The following THSD7A variants were observed in gnomAD, a reference collection of about 807,000 sequenced individuals.
The protein encoded by THSD7A is thrombospondin type-1 domain-containing protein 7A.
In THSD7A, 96 loss-of-function variants were observed where a neutral mutation model predicts 231.3. That is an observed-to-expected ratio of 0.41 (90% CI 0.35 to 0.49). THSD7A has a LOEUF of 0.49. Among genes scored for constraint, THSD7A ranks in the 20% least tolerant of loss-of-function variants. THSD7A has a pLI of 0.05. For synonymous variants in THSD7A, 940 were observed against 743.3 expected (o/e 1.26, Z -4.30); for missense variants, 2,290 against 2,070.2 (o/e 1.11, Z -2.06).
In THSD7A at chr7:11,585,705, G is replaced by C. The variant is rs1406241550; in HGVS notation, c.1453+4755C>G. Among the ~76,000 whole-genome samples the C allele has an allele frequency of 4.6e-5, 7 of 152,100 alleles. No individual in the cohort carries two copies. The East Asian group carries it at 1.3e-3, about 29-fold the overall frequency. On this transcript the variant is annotated intron_variant, in intron 4 of 27. Transcript: ENST00000423059. ...TGGGTGGCCAGAGCCTATTCCGTCA[G>C]TTTAGGGAGCAAGGTGGGAACTGTG...
At chr7:11,408,175 C>G (rs1009843875) in intron 19 of THSD7A, among the ~76,000 whole-genome samples, 3 of 152,004 alleles carry the variant, frequency 2.0e-5, no homozygotes, top group Admixed American at 2.0e-4. Flanking sequence ...ACTGTATATT[C>G]CAACATTTAA....
rs775493895 is a variant in THSD7A, at chr7:11,636,304, C to T, written c.848G>A (p.Arg283Gln). The T allele has an allele frequency of 1.9e-6, 3 of 1,613,936 alleles. No individual in the cohort carries two copies. The highest frequency in any genetic ancestry group is 1.7e-5 in the Admixed American group (1 of 60,024). The stretch of plus-strand genomic sequence containing the variant: ...TACTCCTTTGCTGCGGTCCTTTTCC[C>T]GTTCTTTATTCTTCCCGCGTCTCCT... ...QARRRGKNKEREKDRSKGVKD... is the reference protein window; with the variant it reads ...QARRRGKNKEQEKDRSKGVKD... Residue 283 changes from arginine (R) to glutamine (Q), a missense_variant, in exon 2 of 28, where the codon CGG (arginine) becomes CAG (glutamine). Transcript: ENST00000423059. The surrounding 1 kb of genome is among the most constrained non-coding windows in gnomAD (Gnocchi z 10.0).
chr7:11,412,632 G>A (rs370770044), intron 18 of THSD7A, 24 bp downstream of exon 18: 121 of 1,612,820 alleles, frequency 7.5e-5, no homozygotes, highest in South Asian at 1.3e-4. Context: ...ACTTAACTCC[G>A]TGATCAGATG....
At chr7:11,730,678 C>T (rs930931517) in intron 1 of THSD7A, among the ~76,000 whole-genome samples, 3 of 151,616 alleles carry the variant, frequency 2.0e-5, no homozygotes, top group Non-Finnish European at 3.0e-5. Context: ...GCAGCCATAA[C>T]TCATGTTCAG....
At chr7:11,706,253 G>T (rs1486389456) in intron 1 of THSD7A, among the ~76,000 whole-genome samples, 4 of 150,774 alleles carry the variant, frequency 2.7e-5, no homozygotes, top group South Asian at 2.1e-4. Context: ...CATGTGTATT[G>T]TCCCATGTCA....
chr7:11,407,134 AC>A (rs1783612541), intron 20 of THSD7A, 79 bp from the exon 21 acceptor site: 1 of 1,551,830 alleles, frequency 6.4e-7, no homozygotes, highest in South Asian at 1.2e-5. Flanking sequence ...AGAAGGCATC[AC>A]AGTGATATCT....
intron 1 of THSD7A, among the ~76,000 whole-genome samples, chr7:11,822,808 C>T (rs1338608337): frequency 6.6e-6 from 1 of 151,816 alleles, no homozygotes; most frequent in South Asian, 2.1e-4. Flanking sequence ...CCAATATATT[C>T]TCATAAACAG....
At chr7:11,672,335 G>C (rs563592123) in intron 1 of THSD7A, among the ~76,000 whole-genome samples, 6 of 149,636 alleles carry the variant, frequency 4.0e-5, no homozygotes, top group Admixed American at 2.7e-4. Flanking sequence ...AGAATAGTTT[G>C]TATAATTGCT....
At chr7:11,705,178 T>G (rs923036960) in intron 1 of THSD7A, among the ~76,000 whole-genome samples, 1 of 151,060 alleles carries the variant, frequency 6.6e-6, no homozygotes, top group East Asian at 2.0e-4. Flanking sequence ...GTTTCAAATA[T>G]CAGGAATTTG....
At chr7:11,401,743 T>C (rs1325764824) in intron 23 of THSD7A, 52 bp downstream of exon 23, 3 of 1,499,776 alleles carry the variant, frequency 2.0e-6, no homozygotes, top group Non-Finnish European at 2.7e-6. Flanking sequence ...ACTATTTTTT[T>C]TTTAATCTTA....
chr7:11,382,488 T>G, intron 24 of THSD7A, 33 bp downstream of exon 24: 1 of 1,543,988 alleles, frequency 6.5e-7, no homozygotes, highest in Non-Finnish European at 8.9e-7. Context: ...TACAGGAAGA[T>G]TTTCAAAGGA....
intron 1 of THSD7A, among the ~76,000 whole-genome samples, chr7:11,786,759 TAA>T (rs58923353): frequency 0.26 from 28,258 of 108,070 alleles, 2,432 homozygotes; most frequent in African/African-American, 0.36. Context: ...AGTATAATAA[TAA>T]AAAAAAAAAA....
Position 11,446,485 on chromosome 7 carries a change from C to G in THSD7A, c.2801-161G>C, listed in dbSNP as rs1157967443. ...CTATTTTCTCATTCCACAGTGTTTT[C>G]TACATAGGCTCCTGTTGGTATTGGG... On this transcript the variant is annotated intron_variant, in intron 12 of 27. Transcript: ENST00000423059. This position sits in a 1 kb window ranked among gnomAD's most constrained non-coding sequence, Gnocchi z 4.0. Among the ~76,000 whole-genome samples, 2 of 152,044 alleles carry G rather than the reference C, an allele frequency of 1.3e-5. No homozygotes were observed. The highest frequency in any genetic ancestry group is 2.9e-5 in the Non-Finnish European group (2 of 67,998).
intron 9 of THSD7A, among the ~76,000 whole-genome samples, chr7:11,462,466 T>C (rs1486448971): frequency 2.6e-5 from 4 of 152,226 alleles, no homozygotes; most frequent in Non-Finnish European, 5.9e-5. Flanking sequence ...ATCTAATTAA[T>C]TTATTTTCCT....
intron 1 of THSD7A, among the ~76,000 whole-genome samples, chr7:11,737,030 C>T (rs942751883): frequency 5.3e-5 from 8 of 152,016 alleles, no homozygotes; most frequent in African/African-American, 1.9e-4. Flanking sequence ...TGTTTGCTTT[C>T]CCTTCTGCCA....
At chr7:11,611,295 T>C (rs1052337587) in intron 2 of THSD7A, among the ~76,000 whole-genome samples, 1 of 152,116 alleles carries the variant, frequency 6.6e-6, no homozygotes, top group Non-Finnish European at 1.5e-5. Context: ...ATGACACTTT[T>C]ACATATATGG....
chr7:11,523,638 T>G (rs996775138), intron 6 of THSD7A, among the ~76,000 whole-genome samples: 1 of 152,078 alleles, frequency 6.6e-6, no homozygotes, highest in South Asian at 2.1e-4. Context: ...TACTAAATAG[T>G]AAAGTAAATG....
chr7:11,737,174 T>C (rs1781944630), intron 1 of THSD7A, among the ~76,000 whole-genome samples: 1 of 152,070 alleles, frequency 6.6e-6, no homozygotes, highest in South Asian at 2.1e-4. Context: ...AGCACTTTAG[T>C]ATTTATTTCA....
intron 13 of THSD7A, among the ~76,000 whole-genome samples, chr7:11,443,728 G>C (rs1784876380): frequency 6.6e-6 from 1 of 151,998 alleles, no homozygotes; most frequent in African/African-American, 2.4e-5. Context: ...CTTAAAGATA[G>C]TTAAAATGGT....
Sources: gnomAD v4.1 joint callset for allele counts (sites outside exome capture counted in the v4.1 genomes callset) on GRCh38, gnomAD v4.1.1 for gene constraint, Gnocchi (gnomAD v3.1) non-coding constraint, MANE v1.5 for transcripts, NCBI Gene and HGNC (gene_info 2026-07-23, HGNC 2026-07-21) for gene names.